The following NCDN variants were observed in gnomAD, a reference collection of about 807,000 sequenced individuals.
NCDN encodes the protein norbin.
In NCDN, 9 loss-of-function variants were observed where a neutral mutation model predicts 60.7. The ratio of observed to expected loss-of-function variants is 0.15; its 90% confidence interval spans 0.09 to 0.26. The LOEUF (loss-of-function observed/expected upper bound fraction) is 0.26, where lower values mean the gene tolerates loss of function less well. Among genes scored for constraint, NCDN ranks in the 10% least tolerant of loss-of-function variants. The probability of loss-of-function intolerance (pLI) is 1.00; values close to 1 mark genes in which losing one functional copy is unlikely to be tolerated. For missense variants in NCDN, 578 were observed against 975.2 expected (o/e 0.59, Z 5.42); for synonymous variants, 409 against 442.5 (o/e 0.92, Z 0.95).
chr1:35,563,678 T>C lies in NCDN; in HGVS notation c.1611-89T>C, dbSNP rs1648778667. ...TGCTATGTTTGGGGCCCAAAGTTAA[T>C]CACCCTACTGCCTAATTTCTTGCCA... On this transcript the variant is annotated intron_variant, in intron 5 of 6. Coordinates refer to ENST00000373243, the MANE Select transcript of NCDN (RefSeq NM_014284.3). The surrounding 1 kb of genome is among the most constrained non-coding windows in gnomAD (Gnocchi z 6.6). 1.3e-5 allele frequency: 19 copies of C among 1,500,704 alleles called. 1 individual carries two copies. The South Asian group carries it at 2.4e-4, about 19-fold the overall frequency. 93.0% of individuals were successfully genotyped at this position (1,500,704 alleles called of 1,614,324 possible). A position where few individuals can be genotyped will look rare whatever the true frequency, so the allele number is the denominator to read the frequency against.
Position 35,566,629 on chromosome 1 carries a change from CCACACACACACA to C in NCDN, c.*1006_*1017del, listed in dbSNP as rs56974171. On this transcript the variant is annotated 3_prime_UTR_variant, in exon 7 of 7. Coordinates refer to ENST00000373243, the MANE Select transcript of NCDN (RefSeq NM_014284.3). The surrounding 1 kb of genome is among the most constrained non-coding windows in gnomAD (Gnocchi z 5.3). ...TACCTTTCTTATAAACCCAGGGGGA[CCACACACACACA>C]CACACACACACACACACACACACAC... 2.2e-3 allele frequency: 598 copies of C among 270,350 alleles called. No individual in the cohort carries two copies. Among genetic ancestry groups the C allele is most frequent in the East Asian group, 0.011 (102 of 9,610 alleles). 16.7% of individuals were successfully genotyped at this position (270,350 alleles called of 1,614,324 possible).
Position 35,557,899 on chromosome 1 carries a change from T to C in NCDN, c.-292T>C. 1.6e-6 allele frequency: 1 copy of C among 625,938 alleles called. No homozygotes were observed. The highest frequency in any genetic ancestry group is 2.9e-6 in the Non-Finnish European group (1 of 342,376). 38.8% of individuals were successfully genotyped at this position (625,938 alleles called of 1,614,324 possible). A position where few individuals can be genotyped will look rare whatever the true frequency, so the allele number is the denominator to read the frequency against. ...CCGCAGCCTGGTGAGCTCAGCCCCC[T>C]TCGGGCCCTCCCCTGCATCCCAGCC... On this transcript the variant is annotated 5_prime_UTR_variant, in exon 1 of 7. Coordinates refer to ENST00000373243, the MANE Select transcript of NCDN (RefSeq NM_014284.3).
At position 35,565,051 on chromosome 1, in the gene NCDN, A is replaced by C; in HGVS notation, c.1754-176A>C. The stretch of plus-strand genomic sequence containing the variant: ...TTTACAAGTAAAGAAACAGACCCAG[A>C]AAAGTTAATTACCCAAGGTCACACA... On this transcript the variant is annotated intron_variant, in intron 6 of 6. Coordinates refer to ENST00000373243, the MANE Select transcript of NCDN (RefSeq NM_014284.3). This position sits in a 1 kb window ranked among gnomAD's most constrained non-coding sequence, Gnocchi z 8.9. The C allele has an allele frequency of 1.7e-6, 1 of 604,640 alleles. No homozygotes were observed. Among genetic ancestry groups the C allele is most frequent in the Non-Finnish European group, 2.8e-6 (1 of 351,788 alleles). 37.5% of individuals were successfully genotyped at this position (604,640 alleles called of 1,614,324 possible). A position where few individuals can be genotyped will look rare whatever the true frequency, so the allele number is the denominator to read the frequency against.
Position 35,558,703 on chromosome 1 carries a change from CCTGT to C in NCDN, c.34-398_34-395del. On this transcript the variant is annotated intron_variant, in intron 1 of 6. Coordinates refer to ENST00000373243, the MANE Select transcript of NCDN (RefSeq NM_014284.3). The surrounding 1 kb of genome is among the most constrained non-coding windows in gnomAD (Gnocchi z 6.3). ...TCACCCATGTATGTCTCCATTTCTC[CCTGT>C]CTGTCCTCACCACTCACTCCCTCTG... 1 of 1,137,542 alleles carries C rather than the reference CCTGT, an allele frequency of 8.8e-7. No homozygotes were observed. Among genetic ancestry groups the C allele is most frequent in the Non-Finnish European group, 1.1e-6 (1 of 922,398 alleles). The allele number at this position is 1,137,542 out of a possible 1,614,324, so 70.5% of individuals were successfully genotyped here.
At position 35,566,410 on chromosome 1, in the gene NCDN, C is replaced by T. The variant is rs1160186737; in HGVS notation, c.*747C>T. ...TTGCCTGTCCTTATCCCTGCTTGGA[C>T]ACCTGAGCATCTGATTCCTGTCCCC... On this transcript the variant is annotated 3_prime_UTR_variant, in exon 7 of 7. Coordinates refer to ENST00000373243, the MANE Select transcript of NCDN (RefSeq NM_014284.3). This position sits in a 1 kb window ranked among gnomAD's most constrained non-coding sequence, Gnocchi z 5.3. The T allele has an allele frequency of 1.7e-5, 4 of 239,512 alleles. No individual in the cohort carries two copies. Among genetic ancestry groups the T allele is most frequent in the Admixed American group, 1.5e-4 (3 of 20,194 alleles). 14.8% of individuals were successfully genotyped at this position (239,512 alleles called of 1,614,324 possible).
At chr1:35,559,057 C>G in intron 1 of NCDN, 50 bp from the exon 2 acceptor site, 1 of 1,387,892 alleles carries the variant, frequency 7.2e-7, no homozygotes, top group Non-Finnish European at 9.9e-7. Context: ...CCCCACCCCA[C>G]CCCCGTCCCT....
chr1:35,562,376 G>T lies in NCDN; in HGVS notation c.1144-16G>T. 1 of 1,612,674 alleles carries T rather than the reference G, an allele frequency of 6.2e-7. No individual in the cohort carries two copies. Among genetic ancestry groups the T allele is most frequent in the Non-Finnish European group, 8.5e-7 (1 of 1,179,152 alleles). On this transcript the variant is annotated splice_polypyrimidine_tract_variant and intron_variant, in intron 3 of 6. Coordinates refer to ENST00000373243, the MANE Select transcript of NCDN (RefSeq NM_014284.3). The surrounding 1 kb of genome is among the most constrained non-coding windows in gnomAD (Gnocchi z 6.8). ...CCCTGGTCCTGCTCCATCTCAAGGG[G>T]GTCCTGTGGCAACAGGTGGGGTCAG...
Position 35,560,261 on chromosome 1 carries a change from G to T in NCDN, c.175-65G>T. 1 of 1,551,506 alleles carries T rather than the reference G, an allele frequency of 6.4e-7. No individual in the cohort carries two copies. Among genetic ancestry groups the T allele is most frequent in the South Asian group, 1.2e-5 (1 of 82,862 alleles). On this transcript the variant is annotated intron_variant, in intron 2 of 6. Transcript: ENST00000373243. This position sits in a 1 kb window ranked among gnomAD's most constrained non-coding sequence, Gnocchi z 7.6. Reference sequence around the variant, plus strand: ...TTGCTAGTCCTCAGTGCCCCAGGATGCAGGAGAGGGACAGTCTTTCCCACT... The same window carrying T: ...TTGCTAGTCCTCAGTGCCCCAGGATTCAGGAGAGGGACAGTCTTTCCCACT...
chr1:35,559,480 T>C (rs1320325370), intron 2 of NCDN, among the ~76,000 whole-genome samples: 1 of 152,092 alleles, frequency 6.6e-6, no homozygotes, highest in Non-Finnish European at 1.5e-5. Context: ...GGGTCTGTTT[T>C]CTGGGGCGTC....
Position 35,565,925 on chromosome 1 carries a change from A to G in NCDN, c.*262A>G. On this transcript the variant is annotated 3_prime_UTR_variant, in exon 7 of 7. Transcript: ENST00000373243. The surrounding 1 kb of genome is among the most constrained non-coding windows in gnomAD (Gnocchi z 8.9). The stretch of plus-strand genomic sequence containing the variant: ...TCCCCGCCAGGCCGGGGAAGGTTGG[A>G]GCAGCCCCCAGGGAGGGGGGCACTA... 2.1e-6 allele frequency: 1 copy of G among 472,122 alleles called. No individual in the cohort carries two copies. Among genetic ancestry groups the G allele is most frequent in the Non-Finnish European group, 3.8e-6 (1 of 262,410 alleles). The allele number at this position is 472,122 out of a possible 1,614,324, so 29.2% of individuals were successfully genotyped here.
In NCDN at chr1:35,560,801, A is replaced by T; in HGVS notation, c.650A>T (p.Asp217Val). The change falls in exon 3 of 7, where the codon GAC (aspartate) becomes GTC (valine). Residue 217 changes from aspartate to valine, a missense_variant. Physicochemically the swap from Asp to Val is radical, Grantham distance 152. Coordinates refer to ENST00000373243, the MANE Select transcript of NCDN (RefSeq NM_014284.3). This position sits in a 1 kb window ranked among gnomAD's most constrained non-coding sequence, Gnocchi z 7.6. ...CAGTGCTGGAAGGAGGCGGAGCCCG[A>T]CCTGCTGGCCGTGTTGCGGGGCCTC... ...ETQCWKEAEP[D>V]LLAVLRGLSE... 8 of 1,613,700 alleles carry T rather than the reference A, an allele frequency of 5.0e-6. No homozygotes were observed. The highest frequency in any genetic ancestry group is 6.8e-6 in the Non-Finnish European group (8 of 1,179,966).
At position 35,565,345 on chromosome 1, in the gene NCDN, T is replaced by G; in HGVS notation, c.1872T>G (p.Pro624=). The G allele has an allele frequency of 6.2e-7, 1 of 1,613,932 alleles. No homozygotes were observed. Among genetic ancestry groups the G allele is most frequent in the Non-Finnish European group, 8.5e-7 (1 of 1,179,872 alleles). Reference sequence around the variant, plus strand: ...ACCAGGCAGTGCTAGCCCTGTCCCCTGAGTATGAGGGCATCTGGGCCGACC... The same window carrying G: ...ACCAGGCAGTGCTAGCCCTGTCCCCGGAGTATGAGGGCATCTGGGCCGACC... ...GSDQAVLALS[P]EYEGIWADLQ... The change falls in exon 7 of 7, where the codon CCT becomes CCG. Residue 624 remains proline, a synonymous_variant. Transcript: ENST00000373243. This position sits in a 1 kb window ranked among gnomAD's most constrained non-coding sequence, Gnocchi z 8.9.
chr1:35,566,533 G>T lies in NCDN; in HGVS notation c.*870G>T. The T allele has an allele frequency of 3.2e-6, 1 of 316,882 alleles. No homozygotes were observed. Among genetic ancestry groups the T allele is most frequent in the South Asian group, 2.5e-5 (1 of 40,104 alleles). 19.6% of individuals were successfully genotyped at this position (316,882 alleles called of 1,614,324 possible). ...GATTACACTCCACTGCCACCGTGGT[G>T]CCTGGCTTTAACTCCCACCCCTGCT... On this transcript the variant is annotated 3_prime_UTR_variant, in exon 7 of 7. Coordinates refer to ENST00000373243, the MANE Select transcript of NCDN (RefSeq NM_014284.3). This position sits in a 1 kb window ranked among gnomAD's most constrained non-coding sequence, Gnocchi z 5.3.
chr1:35,560,801 A>G lies in NCDN; in HGVS notation c.650A>G (p.Asp217Gly). 1 of 1,613,700 alleles carries G rather than the reference A, an allele frequency of 6.2e-7. No homozygotes were observed. Residue 217 changes from aspartate (D) to glycine (G), a missense_variant, in exon 3 of 7, where the codon GAC becomes GGC. Physicochemically the swap from Asp to Gly is moderately conservative, Grantham distance 94 (BLOSUM62 -1). Around this residue, in one of 3 missense-constraint regions of NCDN, gnomAD observed 363 missense variants for 583.6 expected, o/e 0.62. Coordinates refer to ENST00000373243, the MANE Select transcript of NCDN (RefSeq NM_014284.3). The surrounding 1 kb of genome is among the most constrained non-coding windows in gnomAD (Gnocchi z 7.6). ...ETQCWKEAEP[D>G]LLAVLRGLSE... ...CAGTGCTGGAAGGAGGCGGAGCCCG[A>G]CCTGCTGGCCGTGTTGCGGGGCCTC...
chr1:35,562,736 T>G lies in NCDN; in HGVS notation c.1385+103T>G. On this transcript the variant is annotated intron_variant, in intron 4 of 6. Transcript: ENST00000373243. This position sits in a 1 kb window ranked among gnomAD's most constrained non-coding sequence, Gnocchi z 6.8. ...ACTGAGCTGTGCCAGGCTTCCTGAT[T>G]GGGCCATGAGATATCCCTTAGGGTT... 1 of 1,440,384 alleles carries G rather than the reference T, an allele frequency of 6.9e-7. No individual in the cohort carries two copies. Among genetic ancestry groups the G allele is most frequent in the South Asian group, 1.4e-5 (1 of 71,442 alleles). 89.2% of individuals were successfully genotyped at this position (1,440,384 alleles called of 1,614,324 possible).
Position 35,560,847 on chromosome 1 carries a change from T to C in NCDN, c.696T>C (p.Ala232=), listed in dbSNP as rs202201711. The C allele has an allele frequency of 9.9e-6, 16 of 1,614,174 alleles. No individual in the cohort carries two copies. In the East Asian group the frequency reaches 2.9e-4, roughly 29 times the overall value. ...GCCTCAGTGAGGATTTCCAGAAAGC[T>C]GAGGATGCCAGCAAGTTTGAGCTCT... ...LRGLSEDFQK[A]EDASKFELCQ... Residue 232 remains alanine, a synonymous_variant, in exon 3 of 7, where the codon GCT becomes GCC. Transcript: ENST00000373243. This position sits in a 1 kb window ranked among gnomAD's most constrained non-coding sequence, Gnocchi z 7.6.
At chr1:35,564,914 C>A (rs1410029965) in intron 6 of NCDN, among the ~76,000 whole-genome samples, 11 of 152,078 alleles carry the variant, frequency 7.2e-5, no homozygotes, top group Non-Finnish European at 5.9e-5. Context: ...CCATCTGACC[C>A]TGTGACTCAC....
At position 35,560,907 on chromosome 1, in the gene NCDN, C is replaced by G; in HGVS notation, c.756C>G (p.Thr252=). The G allele has an allele frequency of 6.2e-7, 1 of 1,614,162 alleles. No homozygotes were observed. The highest frequency in any genetic ancestry group is 8.5e-7 in the Non-Finnish European group (1 of 1,180,016). Residue 252 remains threonine (T), a synonymous_variant, in exon 3 of 7, where the codon ACC becomes ACG. Coordinates refer to ENST00000373243, the MANE Select transcript of NCDN (RefSeq NM_014284.3). This position sits in a 1 kb window ranked among gnomAD's most constrained non-coding sequence, Gnocchi z 7.6. ...TGCCCCTCTTTTTGCCCCCGACAAC[C>G]GTGCCCCCTGAATGCTACCGGGATC... ...QLLPLFLPPT[T]VPPECYRDLQ... is the part of the protein sequence containing the mutation.
At position 35,558,331 on chromosome 1, in the gene NCDN, C is replaced by A; in HGVS notation, c.33+108C>A. 1.3e-6 allele frequency: 2 copies of A among 1,564,482 alleles called. No homozygotes were observed. Among genetic ancestry groups the A allele is most frequent in the Admixed American group, 1.8e-5 (1 of 56,820 alleles). ...CCGTTGTCCTGGGAACTATCCGGGA[C>A]CCCCTCTTGCTTCTCCAGCCCCTGC... On this transcript the variant is annotated intron_variant, in intron 1 of 6. Coordinates refer to ENST00000373243, the MANE Select transcript of NCDN (RefSeq NM_014284.3). This position sits in a 1 kb window ranked among gnomAD's most constrained non-coding sequence, Gnocchi z 6.3.
Sources: allele counts gnomAD v4.1 joint callset (sites outside exome capture counted in the v4.1 genomes callset), GRCh38; gene constraint gnomAD v4.1.1; regional missense constraint gnomAD v4.1.1; non-coding constraint Gnocchi (gnomAD v3.1); transcripts MANE v1.5; gene names NCBI Gene and HGNC (gene_info 2026-07-23, HGNC 2026-07-21).